TRIM2: variants seen among roughly 807,000 people sequenced by gnomAD.
TRIM2 encodes tripartite motif containing 2, also known as tripartite motif-containing protein 2.
TRIM2 carries 20 observed loss-of-function variants against 75.2 expected under a neutral mutation model. That is an observed-to-expected ratio of 0.27 (90% CI 0.19 to 0.39). The LOEUF is 0.39. TRIM2 is among the 10% of genes least tolerant of loss of function. TRIM2 has a pLI of 1.00. For synonymous variants in TRIM2, 373 were observed against 388.3 expected, an observed-to-expected ratio of 0.96 and a Z score of 0.46; for missense variants, 660 against 990.8, an observed-to-expected ratio of 0.67 and a Z score of 4.48.
At chr4:153,225,975 A>T (rs1451196641) in intron 1 of TRIM2, among the ~76,000 whole-genome samples, 2 of 152,146 alleles carry the variant, frequency 1.3e-5, no homozygotes, top group African/African-American at 4.8e-5. Context: ...GGCTCAAGCT[A>T]TTCTCCCACC....
intron 1 of TRIM2, among the ~76,000 whole-genome samples, chr4:153,222,019 GAGCA>G (rs1560836253): frequency 4.0e-5 from 4 of 100,494 alleles, no homozygotes; most frequent in Non-Finnish European, 6.1e-5. Flanking sequence ...AGGAAGGAAA[GAGCA>G]AGGAAGGAAG....
chr4:153,166,958 G>T (rs990836793), intron 1 of TRIM2, among the ~76,000 whole-genome samples: 2 of 152,164 alleles, frequency 1.3e-5, no homozygotes, highest in Non-Finnish European at 2.9e-5. Flanking sequence ...CTTGAATAGA[G>T]GCTGTTAATT....
At chr4:153,330,613 A>C (rs1388658695) in intron 11 of TRIM2, among the ~76,000 whole-genome samples, 1 of 152,220 alleles carries the variant, frequency 6.6e-6, no homozygotes, top group African/African-American at 2.4e-5. Flanking sequence ...AAAATTCTAA[A>C]GAAGAAAAAC....
intron 1 of TRIM2, among the ~76,000 whole-genome samples, chr4:153,259,664 C>T (rs1752927976): frequency 6.6e-6 from 1 of 152,120 alleles, no homozygotes; most frequent in African/African-American, 2.4e-5. Flanking sequence ...TTTCTTTAAT[C>T]TCTGGTGCCA....
At chr4:153,203,743 T>C (rs1420958987), upstream of TRIM2, among the ~76,000 whole-genome samples, 5 of 151,960 alleles carry the variant, frequency 3.3e-5, no homozygotes, top group African/African-American at 1.2e-4. Flanking sequence ...AATACAAAAA[T>C]TCACCAGGTG....
chr4:153,336,782 TC>T lies in TRIM2; in HGVS notation c.*1817del. ...GTCTGTTAAATTTATTATGCCCAAA[TC>T]AACCTCTGAAAAAAGGTTTTTCCAG... On this transcript the variant is annotated 3_prime_UTR_variant, in exon 12 of 12. Coordinates refer to ENST00000338700, the MANE Select transcript of TRIM2 (RefSeq NM_015271.5). The T allele has an allele frequency of 3.0e-6, 3 of 985,704 alleles. No individual in the cohort carries two copies. The highest frequency in any genetic ancestry group is 3.6e-6 in the Non-Finnish European group (3 of 829,770). The allele number at this position is 985,704 out of a possible 1,614,324, so 61.1% of individuals were successfully genotyped here.
At chr4:153,274,768 G>A (rs1757646272) in intron 2 of TRIM2, among the ~76,000 whole-genome samples, 1 of 152,182 alleles carries the variant, frequency 6.6e-6, no homozygotes, top group South Asian at 2.1e-4. Context: ...AAAGGAAGGT[G>A]AGCAGAGCAA....
At chr4:153,200,883 C>A (rs1734288904), upstream of TRIM2, among the ~76,000 whole-genome samples, 1 of 151,198 alleles carries the variant, frequency 6.6e-6, no homozygotes, top group Admixed American at 6.6e-5. Context: ...AACTCCTGGG[C>A]TCAAGTGATC....
chr4:153,195,634 A>G (rs113016299), intron 1 of TRIM2, among the ~76,000 whole-genome samples: 8,312 of 152,234 alleles, frequency 0.055, 341 homozygotes, highest in South Asian at 0.094. Flanking sequence ...GCTCATAGTA[A>G]TATGTTATGG....
At chr4:153,165,030 A>C (rs895326474) in intron 1 of TRIM2, among the ~76,000 whole-genome samples, 34 of 152,212 alleles carry the variant, frequency 2.2e-4, no homozygotes, top group Non-Finnish European at 4.1e-4. Context: ...CGATTATTAA[A>C]GTTTTTTGTT....
intron 1 of TRIM2, among the ~76,000 whole-genome samples, chr4:153,241,266 T>C (rs1746497724): frequency 6.6e-6 from 1 of 152,160 alleles, no homozygotes; most frequent in South Asian, 2.1e-4. Context: ...GGCTGTGTTC[T>C]CCAGAGCAGC....
At chr4:153,227,815 T>A (rs1742552155) in intron 1 of TRIM2, among the ~76,000 whole-genome samples, 1 of 152,188 alleles carries the variant, frequency 6.6e-6, no homozygotes, top group African/African-American at 2.4e-5. Flanking sequence ...CCGCTTTTTG[T>A]AGTTCAAGAT....
chr4:153,198,746 A>C (rs1168771408), intron 1 of TRIM2, among the ~76,000 whole-genome samples: 1 of 152,190 alleles, frequency 6.6e-6, no homozygotes, highest in African/African-American at 2.4e-5. Flanking sequence ...GTATGTTGGC[A>C]AATCAGGGAC....
At chr4:153,200,475 A>C (rs1037124800), upstream of TRIM2, among the ~76,000 whole-genome samples, 1 of 152,080 alleles carries the variant, frequency 6.6e-6, no homozygotes, top group Non-Finnish European at 1.5e-5. Context: ...AGCTATTGTG[A>C]ATAGTGCTGC....
chr4:153,203,230 T>A (rs944837917), upstream of TRIM2, among the ~76,000 whole-genome samples: 1 of 151,924 alleles, frequency 6.6e-6, no homozygotes, highest in Non-Finnish European at 1.5e-5. Flanking sequence ...GAAATGCTCA[T>A]GGTCTGGCAT....
chr4:153,263,759 G>C (rs953149951), intron 1 of TRIM2, among the ~76,000 whole-genome samples: 1 of 152,230 alleles, frequency 6.6e-6, no homozygotes, highest in Non-Finnish European at 1.5e-5. Context: ...GGAAATCTGA[G>C]ATCAGGGTGC....
At chr4:153,214,634 T>G (rs1180962795) in intron 1 of TRIM2, among the ~76,000 whole-genome samples, 2 of 152,230 alleles carry the variant, frequency 1.3e-5, no homozygotes, top group Admixed American at 1.3e-4. Flanking sequence ...TGTTGCACTT[T>G]TGACTGAACA....
chr4:153,282,749 G>T (rs1410600841), intron 3 of TRIM2, among the ~76,000 whole-genome samples: 2 of 150,018 alleles, frequency 1.3e-5, no homozygotes, highest in Admixed American at 6.7e-5. Context: ...AGCCTGGCCT[G>T]TTTTTTTTGT....
chr4:153,181,844 A>G (rs529114920), intron 1 of TRIM2, among the ~76,000 whole-genome samples: 1 of 152,194 alleles, frequency 6.6e-6, no homozygotes, highest in African/African-American at 2.4e-5. Flanking sequence ...CAGATGACTC[A>G]GGAGGGGGCT....
Sources: allele counts gnomAD v4.1 joint callset (sites outside exome capture counted in the v4.1 genomes callset), GRCh38; gene constraint gnomAD v4.1.1; transcripts MANE v1.5; gene names NCBI Gene and HGNC (gene_info 2026-07-23, HGNC 2026-07-21).